The following PIGF variants were observed in gnomAD, a reference collection of about 807,000 sequenced individuals.
PIGF encodes the protein GPI ethanolamine phosphate transferase, stabilizing subunit.
A neutral mutation model predicts 26.0 loss-of-function variants in PIGF; 23 were observed. That is an observed-to-expected ratio of 0.88 (90% CI 0.64 to 1.25). The LOEUF is 1.25. PIGF is among the 50% of genes most tolerant of loss of function. The pLI is 0.00. For missense variants in PIGF, 278 were observed against 249.9 expected (o/e 1.11, Z -0.76); for synonymous variants, 93 against 92.6 (o/e 1.00, Z -0.03).
At position 46,614,996 on chromosome 2, in the gene PIGF, C is replaced by T. The variant is rs763373261; in HGVS notation, c.169G>A (p.Val57Ile). The T allele has an allele frequency of 6.2e-7, 1 of 1,606,614 alleles. No homozygotes were observed. The highest frequency in any genetic ancestry group is 8.5e-7 in the Non-Finnish European group (1 of 1,173,306). Residue 57 changes from valine (V) to isoleucine (I), a missense_variant, in exon 2 of 6, where the codon GTA (valine) becomes ATA (isoleucine). Val to Ile is a conservative substitution (Grantham distance 29). Coordinates refer to ENST00000281382, the MANE Select transcript of PIGF (RefSeq NM_002643.4). ...CSGFVTAVNL[V>I]LYLVVKPNTS... ...TTTGGTTTCACTACTAAATATAGTA[C>T]TAGATTGACAGCAGTTACAAAACCA...
At chr2:46,607,700 CT>C (rs1217960741) in intron 4 of PIGF, among the ~76,000 whole-genome samples, 104 of 142,506 alleles carry the variant, frequency 7.3e-4, no homozygotes, top group Admixed American at 8.3e-4. Context: ...AATTTCTTTT[CT>C]TTTTTTTTTT....
chr2:46,613,957 G>A (rs570842282), intron 2 of PIGF, 172 bp from the exon 3 acceptor site: 123 of 547,326 alleles, frequency 2.2e-4, no homozygotes, highest in African/African-American at 2.1e-3. Flanking sequence ...CACAGCCTTC[G>A]ATACAGACTA....
chr2:46,593,450 G>A (rs1207257522), intron 4 of PIGF, among the ~76,000 whole-genome samples: 1 of 152,154 alleles, frequency 6.6e-6, no homozygotes, highest in Non-Finnish European at 1.5e-5. Flanking sequence ...CTTTCTTACA[G>A]CACACTTCAT....
chr2:46,594,593 T>C (rs1386805454), intron 4 of PIGF, among the ~76,000 whole-genome samples: 1 of 151,242 alleles, frequency 6.6e-6, no homozygotes, highest in African/African-American at 2.4e-5. Context: ...TGGAGTGTAA[T>C]AGAGTGATCT....
intron 4 of PIGF, among the ~76,000 whole-genome samples, chr2:46,600,077 G>A (rs1380091923): frequency 6.6e-6 from 1 of 152,224 alleles, no homozygotes; most frequent in East Asian, 1.9e-4. Context: ...ATAAATGGTG[G>A]TTCTATAATT....
intron 5 of PIGF, among the ~76,000 whole-genome samples, chr2:46,590,503 ACT>A (rs1669694255): frequency 7.7e-6 from 1 of 130,584 alleles, no homozygotes; most frequent in South Asian, 2.7e-4. Flanking sequence ...AAACCTTTAC[ACT>A]CTAATGTATT....
intron 4 of PIGF, among the ~76,000 whole-genome samples, chr2:46,609,278 A>C (rs1445477302): frequency 6.6e-6 from 1 of 151,996 alleles, no homozygotes; most frequent in Non-Finnish European, 1.5e-5. Context: ...TAACTTTCTC[A>C]CCTCTCTCAG....
intron 4 of PIGF, among the ~76,000 whole-genome samples, chr2:46,600,448 T>C (rs138921679): frequency 1.3e-5 from 2 of 152,296 alleles, no homozygotes; most frequent in East Asian, 3.9e-4. Context: ...AAATTTGATA[T>C]TAAACCTTAA....
At chr2:46,590,016 G>A (rs1669681096) in intron 5 of PIGF, among the ~76,000 whole-genome samples, 1 of 151,898 alleles carries the variant, frequency 6.6e-6, no homozygotes, top group South Asian at 2.1e-4. Flanking sequence ...TAATTTAAAA[G>A]GTTTACAGTG....
At chr2:46,608,049 C>T (rs1352049017) in intron 4 of PIGF, among the ~76,000 whole-genome samples, 2 of 152,200 alleles carry the variant, frequency 1.3e-5, no homozygotes, top group Admixed American at 6.5e-5. Flanking sequence ...CATCAATTGA[C>T]TCTTCCTTCC....
At chr2:46,604,524 G>A (rs1020282169) in intron 4 of PIGF, among the ~76,000 whole-genome samples, 4 of 151,760 alleles carry the variant, frequency 2.6e-5, no homozygotes, top group African/African-American at 9.7e-5. Flanking sequence ...GTACCACTTG[G>A]CCATTAAAAA....
At chr2:46,614,746 C>T (rs1050434137) in intron 2 of PIGF, 191 bp downstream of exon 2, 5 of 498,860 alleles carry the variant, frequency 1.0e-5, no homozygotes, top group African/African-American at 1.9e-5. Flanking sequence ...ATAATTAATG[C>T]AAGGCAAGGA....
intron 4 of PIGF, among the ~76,000 whole-genome samples, chr2:46,598,352 A>T (rs1026658584): frequency 6.6e-6 from 1 of 151,720 alleles, no homozygotes; most frequent in African/African-American, 2.4e-5. Context: ...GTGATTCTTT[A>T]CTTCTCATTC....
At chr2:46,582,290 A>AC (rs1476776874) in intron 5 of PIGF, 1 of 152,166 alleles carries the variant, frequency 6.6e-6, no homozygotes, top group Non-Finnish European at 1.5e-5. Context: ...TGAAAAAAAA[A>AC]AGAAAAAAAA....
At position 46,617,014 on chromosome 2, in the gene PIGF, C is replaced by G. The variant is rs1670665344; in HGVS notation, c.-66G>C. 1 of 579,880 alleles carries G rather than the reference C, an allele frequency of 1.7e-6. No homozygotes were observed. Among genetic ancestry groups the G allele is most frequent in the Non-Finnish European group, 3.1e-6 (1 of 326,134 alleles). 35.9% of individuals were successfully genotyped at this position (579,880 alleles called of 1,614,324 possible). A position where few individuals can be genotyped will look rare whatever the true frequency, so the allele number is the denominator to read the frequency against. On this transcript the variant is annotated 5_prime_UTR_variant, in exon 1 of 6. Coordinates refer to ENST00000281382, the MANE Select transcript of PIGF (RefSeq NM_002643.4). The stretch of plus-strand genomic sequence containing the variant: ...AAGGGAAGCGGGGAACTACTGCCTC[C>G]TACCATCAGGTACGACGGGCGGCCC...
At chr2:46,609,629 G>A (rs537187280) in intron 4 of PIGF, among the ~76,000 whole-genome samples, 1 of 152,144 alleles carries the variant, frequency 6.6e-6, no homozygotes, top group African/African-American at 2.4e-5. Flanking sequence ...ACACTTAAGA[G>A]ACCATAGTAT....
At chr2:46,592,715 A>G in intron 4 of PIGF, 132 bp from the exon 5 acceptor site, 1 of 594,998 alleles carries the variant, frequency 1.7e-6, no homozygotes, top group Non-Finnish European at 3.1e-6. Context: ...AAAATGACAT[A>G]TACATATTTA....
chr2:46,608,447 G>T (rs1670293007), intron 4 of PIGF, among the ~76,000 whole-genome samples: 1 of 152,156 alleles, frequency 6.6e-6, no homozygotes, highest in Non-Finnish European at 1.5e-5. Context: ...AATGGAATCA[G>T]CTTCTCGTCA....
intron 5 of PIGF, chr2:46,582,372 G>A (rs1476151049): frequency 6.6e-6 from 1 of 151,612 alleles, no homozygotes; most frequent in Non-Finnish European, 1.5e-5. Context: ...ATCTTTCTCT[G>A]GGGGGAACAG....
Sources: allele counts gnomAD v4.1 joint callset (sites outside exome capture counted in the v4.1 genomes callset), GRCh38; gene constraint gnomAD v4.1.1; transcripts MANE v1.5; gene names NCBI Gene and HGNC (gene_info 2026-07-23, HGNC 2026-07-21).